The following GFRA1 variants were observed in gnomAD, a reference collection of about 807,000 sequenced individuals.
The protein encoded by GFRA1 is GDNF family receptor alpha-1.
A neutral mutation model predicts 51.6 loss-of-function variants in GFRA1; 16 were observed. That is an observed-to-expected ratio of 0.31 (90% CI 0.21 to 0.47). GFRA1 has a LOEUF of 0.47. Among genes scored for constraint, GFRA1 ranks in the 20% least tolerant of loss-of-function variants. The pLI is 1.00. For missense variants in GFRA1, 530 were observed against 594.3 expected, an observed-to-expected ratio of 0.89 and a Z score of 1.13; for synonymous variants, 270 against 241.3, an observed-to-expected ratio of 1.12 and a Z score of -1.10.
chr10:116,211,590 G>T (rs1965197754), intron 5 of GFRA1, 41 bp downstream of exon 5: 1 of 1,530,922 alleles, frequency 6.5e-7, no homozygotes, highest in African/African-American at 1.4e-5. Flanking sequence ...TCCCCAAAGA[G>T]CACAGCCAGT....
intron 6 of GFRA1, among the ~76,000 whole-genome samples, chr10:116,104,345 A>G (rs1278170604): frequency 6.6e-6 from 1 of 152,160 alleles, no homozygotes; most frequent in East Asian, 1.9e-4. Flanking sequence ...ATCCTGATAC[A>G]TGGGGCTTCC....
intron 6 of GFRA1, among the ~76,000 whole-genome samples, chr10:116,102,895 T>TA (rs1956871306): frequency 6.6e-6 from 1 of 152,198 alleles, no homozygotes; most frequent in Non-Finnish European, 1.5e-5. Context: ...TCTACTTGTA[T>TA]AAGTCGCTGG....
At chr10:116,199,794 G>A (rs190912250) in intron 5 of GFRA1, among the ~76,000 whole-genome samples, 208 of 152,220 alleles carry the variant, frequency 1.4e-3, no homozygotes, top group Non-Finnish European at 2.1e-3. Context: ...TTTGACAAAT[G>A]TATACACCTG....
chr10:116,270,530 T>G (rs1012199062), intron 3 of GFRA1, among the ~76,000 whole-genome samples: 2 of 152,150 alleles, frequency 1.3e-5, no homozygotes, highest in Non-Finnish European at 2.9e-5. Flanking sequence ...TTGGGGCCCT[T>G]TAGTGGGATC....
At chr10:116,144,418 A>G (rs73370411) in intron 5 of GFRA1, among the ~76,000 whole-genome samples, 5 of 152,094 alleles carry the variant, frequency 3.3e-5, no homozygotes, top group Admixed American at 3.3e-4. Context: ...TAAAAAAATG[A>G]TATGGGATAT....
intron 4 of GFRA1, among the ~76,000 whole-genome samples, chr10:116,256,043 A>G (rs1425106211): frequency 6.6e-6 from 1 of 152,092 alleles, no homozygotes; most frequent in African/African-American, 2.4e-5. Flanking sequence ...TCATCCACCT[A>G]CCCACCGGTT....
intron 5 of GFRA1, among the ~76,000 whole-genome samples, chr10:116,131,834 G>A (rs955507204): frequency 1.4e-5 from 2 of 146,970 alleles, no homozygotes; most frequent in African/African-American, 5.1e-5. Flanking sequence ...GGCTTGTGTT[G>A]AACAGTTTGG....
intron 6 of GFRA1, among the ~76,000 whole-genome samples, chr10:116,117,251 TC>T (rs2133989626): frequency 6.6e-6 from 1 of 152,228 alleles, no homozygotes; most frequent in South Asian, 2.1e-4. Flanking sequence ...TTTTTTTACT[TC>T]CTATGCCTTC....
chr10:116,079,032 CA>C (rs1955736921), intron 9 of GFRA1, among the ~76,000 whole-genome samples: 1 of 152,014 alleles, frequency 6.6e-6, no homozygotes, highest in South Asian at 2.1e-4. Flanking sequence ...GGTCGTTGGG[CA>C]AAAGTCTCCT....
In GFRA1 at chr10:116,205,627, TCTTTA is replaced by T. The variant is rs1234482729; in HGVS notation, c.433+5999_433+6003del. Among the ~76,000 whole-genome samples, 298 of 141,872 alleles carry T rather than the reference TCTTTA, an allele frequency of 2.1e-3. 2 individuals carry two copies. Among genetic ancestry groups the T allele is most frequent in the African/African-American group, 7.6e-3 (283 of 37,342 alleles). The allele number at this position is 141,872 out of a possible 152,430, so 93.1% of individuals were successfully genotyped here. On this transcript the variant is annotated intron_variant, in intron 5 of 10. Coordinates refer to ENST00000355422, the MANE Select transcript of GFRA1 (RefSeq NM_005264.8). ...TATATATATATATATATATATATAT[TCTTTA>T]AAAGGACAAACTGCTCTTCTTTTAT... is the stretch of plus-strand genomic sequence containing the variant.
At chr10:116,186,593 C>T (rs1432326990) in intron 5 of GFRA1, among the ~76,000 whole-genome samples, 1 of 128,982 alleles carries the variant, frequency 7.8e-6, no homozygotes, top group African/African-American at 2.9e-5. Flanking sequence ...AAAAAAAAGG[C>T]AAGGTTTAAA....
intron 8 of GFRA1, among the ~76,000 whole-genome samples, chr10:116,092,322 C>T (rs1333985791): frequency 6.6e-6 from 1 of 152,132 alleles, no homozygotes; most frequent in Non-Finnish European, 1.5e-5. Context: ...TTTGAAGTGT[C>T]TGGTAAGCAA....
chr10:116,206,765 T>C (rs2134419494), intron 5 of GFRA1, among the ~76,000 whole-genome samples: 1 of 151,540 alleles, frequency 6.6e-6, no homozygotes, highest in South Asian at 2.1e-4. Flanking sequence ...CCCGAGTAGC[T>C]GGGACTACAG....
intron 4 of GFRA1, among the ~76,000 whole-genome samples, chr10:116,265,234 C>A (rs566684775): frequency 6.6e-6 from 1 of 152,132 alleles, no homozygotes; most frequent in African/African-American, 2.4e-5. Context: ...AAATGATGAG[C>A]GCCAGAAGCT....
chr10:116,078,836 C>T (rs1227962973), intron 9 of GFRA1, among the ~76,000 whole-genome samples: 1 of 151,992 alleles, frequency 6.6e-6, no homozygotes, highest in African/African-American at 2.4e-5. Flanking sequence ...GATAAAAGGC[C>T]CAGGCAATGG....
chr10:116,076,031 C>T (rs1319028359), intron 9 of GFRA1, among the ~76,000 whole-genome samples: 1 of 152,084 alleles, frequency 6.6e-6, no homozygotes, highest in African/African-American at 2.4e-5. Flanking sequence ...GGCGTGACCA[C>T]CGTGCCCGGC....
At chr10:116,175,966 TA>T (rs913570387) in intron 5 of GFRA1, among the ~76,000 whole-genome samples, 11 of 148,830 alleles carry the variant, frequency 7.4e-5, no homozygotes, top group African/African-American at 1.5e-4. Flanking sequence ...CTAAGTGAAT[TA>T]AAAAAAAAAT....
intron 5 of GFRA1, among the ~76,000 whole-genome samples, chr10:116,167,916 G>A (rs1960641883): frequency 6.6e-6 from 1 of 152,130 alleles, no homozygotes; most frequent in South Asian, 2.1e-4. Flanking sequence ...AATGTTAAGA[G>A]TCCATATAAT....
intron 5 of GFRA1, among the ~76,000 whole-genome samples, chr10:116,128,852 AAT>A (rs1212963869): frequency 1.5e-5 from 2 of 131,484 alleles, no homozygotes; most frequent in African/African-American, 2.7e-5. Context: ...TTAGAAAAGC[AAT>A]ATTTTTTTTA....
Sources: allele counts gnomAD v4.1 joint callset (sites outside exome capture counted in the v4.1 genomes callset), GRCh38; gene constraint gnomAD v4.1.1; transcripts MANE v1.5; gene names NCBI Gene and HGNC (gene_info 2026-07-23, HGNC 2026-07-21).